The following TCF12 variants were observed in gnomAD, a reference collection of about 807,000 sequenced individuals.
TCF12 encodes DNA-binding protein HTF4.
In TCF12, 45 loss-of-function variants were observed where a neutral mutation model predicts 86.0. That is an observed-to-expected ratio of 0.52 (90% CI 0.41 to 0.67). The LOEUF is 0.67. Ranked by LOEUF, TCF12 falls within the 30% of genes least tolerant of loss-of-function variation. The probability of loss-of-function intolerance (pLI) is 0.00; values close to 1 mark genes in which losing one functional copy is unlikely to be tolerated. For synonymous variants in TCF12, 330 were observed against 299.6 expected (o/e 1.10, Z -1.05); for missense variants, 881 against 859.9 (o/e 1.02, Z -0.31).
At chr15:56,976,224 CTTTTTTTTTTTT>C (rs35959497) in intron 3 of TCF12, among the ~76,000 whole-genome samples, 5 of 57,376 alleles carry the variant, frequency 8.7e-5, no homozygotes, top group South Asian at 9.5e-4. Context: ...AAGGAAGTTT[CTTTTTTTTTTTT>C]TTTTTTTTTT....
At chr15:57,285,509 A>G (rs1427545852) in intron 20 of TCF12, among the ~76,000 whole-genome samples, 1 of 152,212 alleles carries the variant, frequency 6.6e-6, no homozygotes, top group Non-Finnish European at 1.5e-5. Flanking sequence ...CCAATATGAA[A>G]ATGAATGCAA....
At chr15:56,948,642 A>T (rs573745705) in intron 3 of TCF12, among the ~76,000 whole-genome samples, 3 of 152,218 alleles carry the variant, frequency 2.0e-5, no homozygotes, top group Non-Finnish European at 4.4e-5. Flanking sequence ...CAATGGCGCA[A>T]TCACCTCAGA....
chr15:57,252,058 G>A (rs145461882), intron 14 of TCF12: 14 of 177,560 alleles, frequency 7.9e-5, no homozygotes, highest in East Asian at 4.5e-4. Context: ...AGAATTACAC[G>A]GTATAATAAA....
chr15:56,964,415 T>G (rs1226416864), intron 3 of TCF12, among the ~76,000 whole-genome samples: 1 of 152,200 alleles, frequency 6.6e-6, no homozygotes, highest in Admixed American at 6.5e-5. Context: ...CAACTTTCTC[T>G]CTCTCTTTTC....
intron 9 of TCF12, among the ~76,000 whole-genome samples, chr15:57,231,874 A>G (rs1161373980): frequency 2.0e-5 from 3 of 152,210 alleles, no homozygotes; most frequent in Non-Finnish European, 2.9e-5. Context: ...TAGTTTTACT[A>G]TTAGAAAAAC....
chr15:57,140,528 A>G (rs1471247420), intron 5 of TCF12, among the ~76,000 whole-genome samples: 1 of 152,224 alleles, frequency 6.6e-6, no homozygotes, highest in East Asian at 1.9e-4. Context: ...AAAGGAAACA[A>G]GTTTGATAAG....
At chr15:57,078,246 C>T (rs2070306420) in intron 4 of TCF12, among the ~76,000 whole-genome samples, 1 of 152,152 alleles carries the variant, frequency 6.6e-6, no homozygotes. Flanking sequence ...GTATTAGCAT[C>T]TTCTAAACTA....
intron 8 of TCF12, among the ~76,000 whole-genome samples, chr15:57,201,452 A>C (rs1673649464): frequency 6.6e-6 from 1 of 152,112 alleles, no homozygotes; most frequent in African/African-American, 2.4e-5. Flanking sequence ...GACAGGTAAA[A>C]GGCCTGGAGG....
intron 3 of TCF12, among the ~76,000 whole-genome samples, chr15:56,961,229 G>A (rs2061738774): frequency 6.6e-6 from 1 of 152,068 alleles, no homozygotes; most frequent in Non-Finnish European, 1.5e-5. Context: ...TATTGGATAT[G>A]GTCATTATAG....
intron 3 of TCF12, among the ~76,000 whole-genome samples, chr15:57,019,373 C>A (rs2065338312): frequency 6.6e-6 from 1 of 152,148 alleles, no homozygotes; most frequent in Non-Finnish European, 1.5e-5. Context: ...CAGATAAACC[C>A]AATTCACTGA....
chr15:57,072,136 G>A (rs546836915), intron 4 of TCF12, among the ~76,000 whole-genome samples: 1 of 152,092 alleles, frequency 6.6e-6, no homozygotes, highest in African/African-American at 2.4e-5. Context: ...ATGGACCCAC[G>A]GATAATGAAA....
rs79479263 is a variant in TCF12 at position 57,120,075 on chromosome 15, A to G, written c.325+28184A>G. 1.7e-3 allele frequency among the ~76,000 whole-genome samples: 260 copies of G among 152,300 alleles called. 6 individuals carry two copies. The East Asian group carries it at 0.042, about 25-fold the overall frequency. Reference sequence around the variant, plus strand: ...ATTCCCCCTAACTGAAATGCCCTTCATACATTTTTTTGCCTAATTAAATCT... The same window carrying G: ...ATTCCCCCTAACTGAAATGCCCTTCGTACATTTTTTTGCCTAATTAAATCT... On this transcript the variant is annotated intron_variant, in intron 5 of 20. Transcript: ENST00000333725.
intron 5 of TCF12, among the ~76,000 whole-genome samples, chr15:57,164,343 G>T (rs977072693): frequency 6.6e-6 from 1 of 152,150 alleles, no homozygotes; most frequent in South Asian, 2.1e-4. Flanking sequence ...AAAGGAAAGA[G>T]GTTTAATTGA....
chr15:57,095,843 T>C (rs1403814838), intron 5 of TCF12, among the ~76,000 whole-genome samples: 1 of 152,078 alleles, frequency 6.6e-6, no homozygotes, highest in Non-Finnish European at 1.5e-5. Flanking sequence ...AATTCCATAA[T>C]CTCATAAATT....
At chr15:57,282,335 G>A in intron 19 of TCF12, 110 bp from the exon 20 acceptor site, 5 of 1,286,950 alleles carry the variant, frequency 3.9e-6, no homozygotes, top group Non-Finnish European at 5.5e-6. Context: ...TCTATGTGAT[G>A]GTACTTAGTA....
intron 19 of TCF12, among the ~76,000 whole-genome samples, chr15:57,278,080 C>A (rs1395559360): frequency 6.6e-6 from 1 of 152,112 alleles, no homozygotes; most frequent in Non-Finnish European, 1.5e-5. Context: ...GATCCTCCCA[C>A]CTCAGCCTCC....
chr15:57,083,762 T>A (rs2048459404), intron 4 of TCF12, among the ~76,000 whole-genome samples: 1 of 152,106 alleles, frequency 6.6e-6, no homozygotes, highest in Non-Finnish European at 1.5e-5. Context: ...TTTTCTTGTA[T>A]TTTGTAGCAC....
At chr15:57,093,184 A>G (rs1180342165) in intron 5 of TCF12, among the ~76,000 whole-genome samples, 1 of 152,248 alleles carries the variant, frequency 6.6e-6, no homozygotes, top group Non-Finnish European at 1.5e-5. Flanking sequence ...AGATAAAAAA[A>G]TCAGAGTTAG....
At chr15:57,022,122 G>A (rs865841636) in intron 3 of TCF12, among the ~76,000 whole-genome samples, 13 of 151,970 alleles carry the variant, frequency 8.6e-5, no homozygotes, top group African/African-American at 3.1e-4. Flanking sequence ...CAACGTGCAG[G>A]TTTGATACAC....
Sources: gnomAD v4.1 joint callset for allele counts (sites outside exome capture counted in the v4.1 genomes callset) on GRCh38, gnomAD v4.1.1 for gene constraint, MANE v1.5 for transcripts, NCBI Gene and HGNC (gene_info 2026-07-23, HGNC 2026-07-21) for gene names.